NXT1: variants seen among roughly 807,000 people sequenced by gnomAD.
NXT1 encodes nuclear transport factor 2 like export factor 1.
In NXT1, 3 loss-of-function variants were observed where a neutral mutation model predicts 9.9. The ratio of observed to expected loss-of-function variants is 0.30; its 90% CI spans 0.14 to 0.79. NXT1 has a LOEUF of 0.79. NXT1 is among the 30% of genes least tolerant of loss of function. NXT1 has a pLI of 0.63. For synonymous variants in NXT1, 53 were observed against 66.5 expected (o/e 0.80, Z 0.99); for missense variants, 91 against 178.2 (o/e 0.51, Z 2.79).
rs1271849250 is a variant in NXT1 at position 23,354,113 on chromosome 20, C to T, written c.72C>T (p.Tyr24=). 1 of 1,614,174 alleles carries T rather than the reference C, an allele frequency of 6.2e-7. No homozygotes were observed. The highest frequency in any genetic ancestry group is 1.7e-5 in the Admixed American group (1 of 60,026). Residue 24 remains tyrosine (Y), a synonymous_variant, in exon 2 of 2, where the codon TAC becomes TAT. Transcript: ENST00000254998. ...CTGCTGAGGAGTTTGTCAATGTCTA[C>T]TACACCACCATGGATAAGCGGCGGC... ...CRAAEEFVNV[Y]YTTMDKRRRL... is the part of the protein sequence containing the mutation.
chr20:23,353,383 G>T (rs1326182821), intron 1 of NXT1, among the ~76,000 whole-genome samples: 1 of 152,196 alleles, frequency 6.6e-6, no homozygotes, highest in Non-Finnish European at 1.5e-5. Context: ...ACTTTGGGGG[G>T]CCGAGGCAGG....
rs555776552 is a variant in NXT1 at position 23,354,686 on chromosome 20, A to C, written c.*222A>C. On this transcript the variant is annotated 3_prime_UTR_variant, in exon 2 of 2. Coordinates refer to ENST00000254998, the MANE Select transcript of NXT1 (RefSeq NM_013248.3). ...TCATAGTTTCCTTTTCAAAGTAGTA[A>C]ACTTTTCTATTTTTCTACTTGCCCA... The C allele has an allele frequency of 1.5e-5, 8 of 549,480 alleles. No individual in the cohort carries two copies. The highest frequency in any genetic ancestry group is 1.3e-4 in the African/African-American group (7 of 52,212). The allele number at this position is 549,480 out of a possible 1,614,324, so 34.0% of individuals were successfully genotyped here.
In NXT1 at chr20:23,354,474, C is replaced by T; in HGVS notation, c.*10C>T. ...GGACTGGGCCAGCTAGTGGGGGTGG[C>T]AGAGGTCTCTTTGCTTCATTCAGCC... On this transcript the variant is annotated 3_prime_UTR_variant, in exon 2 of 2. Transcript: ENST00000254998. 1 of 1,606,228 alleles carries T rather than the reference C, an allele frequency of 6.2e-7. No homozygotes were observed. Among genetic ancestry groups the T allele is most frequent in the East Asian group, 2.3e-5 (1 of 44,344 alleles).
intron 1 of NXT1, chr20:23,351,428 T>A (rs1980263672): frequency 6.6e-6 from 1 of 152,314 alleles, no homozygotes; most frequent in African/African-American, 2.4e-5. Context: ...CACAGCCTCT[T>A]ACTCTAGTCC....
chr20:23,351,154 T>G (rs940478320), intron 1 of NXT1, 93 bp downstream of exon 1: 1 of 152,002 alleles, frequency 6.6e-6, no homozygotes, highest in Non-Finnish European at 1.5e-5. Flanking sequence ...GACACGGCTG[T>G]GCCTTTGTCC....
chr20:23,352,841 A>C (rs148836862), intron 1 of NXT1, among the ~76,000 whole-genome samples: 15 of 152,262 alleles, frequency 9.9e-5, no homozygotes, highest in African/African-American at 3.6e-4. Flanking sequence ...TATCTGGTGG[A>C]TGTTAGTACC....
Position 23,354,159 on chromosome 20 carries a change from A to G in NXT1, c.118A>G (p.Met40Val), listed in dbSNP as rs140297530. ...GCGGCGTTTGCTGTCCCGCCTGTACATGGGCACAGCCACCCTGGTCTGGAA... is the reference window on the plus strand; with the variant it reads ...GCGGCGTTTGCTGTCCCGCCTGTACGTGGGCACAGCCACCCTGGTCTGGAA... ...KRRRLLSRLY[M>V]GTATLVWNGN... Residue 40 changes from methionine (M) to valine (V), a missense_variant, in exon 2 of 2, where the codon ATG becomes GTG. Physicochemically the swap from Met to Val is conservative, Grantham distance 21. Transcript: ENST00000254998. 2.4e-4 allele frequency: 386 copies of G among 1,614,202 alleles called. No individual in the cohort carries two copies. Among genetic ancestry groups the G allele is most frequent in the Non-Finnish European group, 3.1e-4 (368 of 1,180,034 alleles).
At position 23,350,986 on chromosome 20, in the gene NXT1, G is replaced by A. The variant is rs1980244210; in HGVS notation, c.-137G>A. On this transcript the variant is annotated 5_prime_UTR_variant, in exon 1 of 2. Transcript: ENST00000254998. ...TGACCTCCGCGGCCGGCCCCTCAGT[G>A]GAACTGCGTCCCACGCGGGGGGCGT... is the stretch of plus-strand genomic sequence containing the variant. 2 of 152,184 alleles carry A rather than the reference G, an allele frequency of 1.3e-5. No homozygotes were observed. The highest frequency in any genetic ancestry group is 6.5e-5 in the Admixed American group (1 of 15,288). 9.4% of individuals were successfully genotyped at this position (152,184 alleles called of 1,614,324 possible). A position where few individuals can be genotyped will look rare whatever the true frequency, so the allele number is the denominator to read the frequency against.
Position 23,354,089 on chromosome 20 carries a change from T to C in NXT1, c.48T>C (p.Ala16=). The change falls in exon 2 of 2, where the codon GCT becomes GCC. Residue 16 remains alanine (A), a synonymous_variant. Coordinates refer to ENST00000254998, the MANE Select transcript of NXT1 (RefSeq NM_013248.3). ...FKTYVDQACR[A]AEEFVNVYYT... ...CCTATGTGGATCAGGCCTGCAGAGC[T>C]GCTGAGGAGTTTGTCAATGTCTACT... 1 of 1,614,146 alleles carries C rather than the reference T, an allele frequency of 6.2e-7. No individual in the cohort carries two copies. Among genetic ancestry groups the C allele is most frequent in the Non-Finnish European group, 8.5e-7 (1 of 1,180,034 alleles).
chr20:23,352,346 G>A (rs1980293229), intron 1 of NXT1, among the ~76,000 whole-genome samples: 1 of 152,142 alleles, frequency 6.6e-6, no homozygotes, highest in Non-Finnish European at 1.5e-5. Context: ...TGGAGGGCGT[G>A]GAAAGACCCA....
chr20:23,352,576 C>A (rs1444277800), intron 1 of NXT1, among the ~76,000 whole-genome samples: 14 of 151,328 alleles, frequency 9.3e-5, no homozygotes. Flanking sequence ...TAAGTATAAA[C>A]TATTTTAGTA....
intron 1 of NXT1, among the ~76,000 whole-genome samples, chr20:23,352,588 T>G (rs566404781): frequency 1.6e-4 from 24 of 152,198 alleles, no homozygotes; most frequent in African/African-American, 5.8e-4. Context: ...ATTTTAGTAA[T>G]GTCCTCTATT....
chr20:23,352,178 C>T (rs889077357), intron 1 of NXT1, among the ~76,000 whole-genome samples: 2 of 152,238 alleles, frequency 1.3e-5, no homozygotes, highest in East Asian at 1.9e-4. Flanking sequence ...TAGGAGGATG[C>T]TGCGCATAGG....
Position 23,354,390 on chromosome 20 carries a change from G to A in NXT1, c.349G>A (p.Ala117Thr), listed in dbSNP as rs759093871. ...CTTCAACCAGAACTTCATCCTGACC[G>A]CCCAGGCCTCACCCAGCAACACAGT... ...RDFNQNFILT[A>T]QASPSNTVWK... is the part of the protein sequence containing the mutation. Residue 117 changes from alanine (A) to threonine (T), a missense_variant, in exon 2 of 2, where the codon GCC (alanine) becomes ACC (threonine). Ala to Thr is a moderately conservative substitution (Grantham distance 58). Coordinates refer to ENST00000254998, the MANE Select transcript of NXT1 (RefSeq NM_013248.3). 4.7e-5 allele frequency: 76 copies of A among 1,614,056 alleles called. No individual in the cohort carries two copies. Among genetic ancestry groups the A allele is most frequent in the Non-Finnish European group, 6.1e-5 (72 of 1,180,044 alleles).
rs914170056 is a variant in NXT1, at chr20:23,354,597, G to A, written c.*133G>A. On this transcript the variant is annotated 3_prime_UTR_variant, in exon 2 of 2. Coordinates refer to ENST00000254998, the MANE Select transcript of NXT1 (RefSeq NM_013248.3). ...GAGACACTGCAGACTCCACTGTGCC[G>A]AGGTTGAACTCTTTTTTGTTGCTCA... The A allele has an allele frequency of 9.9e-6, 10 of 1,005,330 alleles. No homozygotes were observed. Among genetic ancestry groups the A allele is most frequent in the South Asian group, 7.0e-5 (4 of 56,990 alleles). 62.3% of individuals were successfully genotyped at this position (1,005,330 alleles called of 1,614,324 possible).
At chr20:23,353,845 A>G in intron 1 of NXT1, 136 bp from the exon 2 acceptor site, 1 of 602,446 alleles carries the variant, frequency 1.7e-6, no homozygotes, top group South Asian at 2.1e-5. Context: ...GGCATTGGGT[A>G]CTATTTGAGC....
At chr20:23,351,908 G>C (rs1980278629) in intron 1 of NXT1, among the ~76,000 whole-genome samples, 2 of 152,096 alleles carry the variant, frequency 1.3e-5, no homozygotes, top group Admixed American at 1.3e-4. Context: ...TCATCCATTT[G>C]TGGTAACATT....
chr20:23,354,011 C>T lies in NXT1; in HGVS notation c.-31C>T. On this transcript the variant is annotated 5_prime_UTR_variant, in exon 2 of 2. Coordinates refer to ENST00000254998, the MANE Select transcript of NXT1 (RefSeq NM_013248.3). ...GGTTCCCCAAGGCAGAGGAAATACCCTGGTGGAGCCCTCCTTCCATAGAAC... is the reference window on the plus strand; with the variant it reads ...GGTTCCCCAAGGCAGAGGAAATACCTTGGTGGAGCCCTCCTTCCATAGAAC... The T allele has an allele frequency of 6.3e-7, 1 of 1,596,848 alleles. No homozygotes were observed. The highest frequency in any genetic ancestry group is 8.6e-7 in the Non-Finnish European group (1 of 1,168,234).
rs953148128 is a variant in NXT1 at position 23,354,741 on chromosome 20, A to G, written c.*277A>G. On this transcript the variant is annotated 3_prime_UTR_variant, in exon 2 of 2. Transcript: ENST00000254998. ...AGACTCTGATTCTGGAAATTCTGAC[A>G]AATAATTTAATAATACACATGTTGC... 2.0e-5 allele frequency: 9 copies of G among 441,422 alleles called. No homozygotes were observed. The highest frequency in any genetic ancestry group is 1.6e-4 in the South Asian group (5 of 31,662). 27.3% of individuals were successfully genotyped at this position (441,422 alleles called of 1,614,324 possible).
Sources: gnomAD v4.1 joint callset for allele counts (sites outside exome capture counted in the v4.1 genomes callset) on GRCh38, gnomAD v4.1.1 for gene constraint, MANE v1.5 for transcripts, NCBI Gene and HGNC (gene_info 2026-07-23, HGNC 2026-07-21) for gene names.